UBE2E2: variants seen among roughly 807,000 people sequenced by gnomAD.
The protein encoded by UBE2E2 is ubiquitin-conjugating enzyme E2 E2.
In UBE2E2, 6 loss-of-function variants were observed where a neutral mutation model predicts 24.7. That is an observed-to-expected ratio of 0.24 (90% CI 0.13 to 0.48). The LOEUF (loss-of-function observed/expected upper bound fraction) is 0.48. UBE2E2 is among the 20% of genes least tolerant of loss of function. UBE2E2 has a pLI of 0.99. For synonymous variants in UBE2E2, 104 were observed against 83.6 expected (o/e 1.24, Z -1.33); for missense variants, 169 against 245.0 (o/e 0.69, Z 2.07).
intron 3 of UBE2E2, among the ~76,000 whole-genome samples, chr3:23,242,881 T>A (rs1297698260): frequency 6.6e-6 from 1 of 150,824 alleles, no homozygotes. Flanking sequence ...AGGTCAGGAG[T>A]TCGAGACCTG....
intron 3 of UBE2E2, among the ~76,000 whole-genome samples, chr3:23,312,116 T>C (rs536159643): frequency 6.6e-6 from 1 of 152,254 alleles, no homozygotes; most frequent in African/African-American, 2.4e-5. Context: ...ACTCATAACA[T>C]GTGAGATGCC....
chr3:23,536,902 C>T (rs1484587659), intron 5 of UBE2E2, among the ~76,000 whole-genome samples: 1 of 152,108 alleles, frequency 6.6e-6, no homozygotes, highest in East Asian at 1.9e-4. Context: ...CATAAGTCCT[C>T]GTTTAATGTC....
chr3:23,584,693 A>G (rs1307829441), intron 5 of UBE2E2, among the ~76,000 whole-genome samples: 7 of 149,572 alleles, frequency 4.7e-5, no homozygotes, highest in Non-Finnish European at 1.0e-4. Context: ...AGCTGGGACC[A>G]CAGGTACATG....
intron 3 of UBE2E2, among the ~76,000 whole-genome samples, chr3:23,263,861 C>T (rs1031119404): frequency 1.3e-5 from 2 of 152,082 alleles, no homozygotes; most frequent in African/African-American, 4.8e-5. Context: ...TTTGGCGAAA[C>T]TGCATAGGTC....
chr3:23,344,581 T>C (rs1176548635), intron 3 of UBE2E2, among the ~76,000 whole-genome samples: 4 of 152,024 alleles, frequency 2.6e-5, no homozygotes, highest in African/African-American at 9.7e-5. Flanking sequence ...AATGAAGATA[T>C]TAAGAATTAA....
intron 3 of UBE2E2, among the ~76,000 whole-genome samples, chr3:23,310,249 C>A (rs1216349970): frequency 1.3e-5 from 2 of 149,796 alleles, no homozygotes; most frequent in Non-Finnish European, 1.5e-5. Flanking sequence ...CAATTAAGTA[C>A]CAAAATGCAA....
intron 3 of UBE2E2, among the ~76,000 whole-genome samples, chr3:23,384,250 C>T (rs1319200544): frequency 1.3e-5 from 2 of 152,134 alleles, no homozygotes; most frequent in Non-Finnish European, 2.9e-5. Flanking sequence ...ACAGCCTCGA[C>T]CTCCTGGGCT....
chr3:23,327,417 A>T (rs140148987), intron 3 of UBE2E2, among the ~76,000 whole-genome samples: 101 of 152,306 alleles, frequency 6.6e-4, no homozygotes, highest in Admixed American at 2.4e-3. Context: ...CATTTCTCTG[A>T]TGGTAATGGC....
intron 3 of UBE2E2, among the ~76,000 whole-genome samples, chr3:23,297,894 C>T (rs202160292): frequency 0.029 from 4,339 of 152,008 alleles, 105 homozygotes; most frequent in East Asian, 0.13. Flanking sequence ...GCCATTTTCA[C>T]GATATTGATT....
chr3:23,508,623 A>G (rs1010811039), intron 4 of UBE2E2, among the ~76,000 whole-genome samples: 5 of 152,164 alleles, frequency 3.3e-5, no homozygotes, highest in African/African-American at 4.8e-5. Context: ...AGCCACTCTG[A>G]TATCTACTGA....
At chr3:23,519,985 A>G (rs1049731701) in intron 4 of UBE2E2, among the ~76,000 whole-genome samples, 1 of 152,104 alleles carries the variant, frequency 6.6e-6, no homozygotes, top group Non-Finnish European at 1.5e-5. Context: ...TTCACTTTAC[A>G]TGCTTGATCA....
chr3:23,488,441 T>C (rs1336474465), intron 3 of UBE2E2, among the ~76,000 whole-genome samples: 2 of 152,172 alleles, frequency 1.3e-5, no homozygotes, highest in Non-Finnish European at 2.9e-5. Context: ...AACTCCCACT[T>C]ATGAGTGAGA....
chr3:23,318,098 G>A (rs1196064272), intron 3 of UBE2E2, among the ~76,000 whole-genome samples: 3 of 151,968 alleles, frequency 2.0e-5, no homozygotes, highest in Admixed American at 2.0e-4. Flanking sequence ...ATAATTCCAA[G>A]CTTCTCTAGT....
Position 23,583,406 on chromosome 3 carries a change from A to G in UBE2E2, c.509-6328A>G, listed in dbSNP as rs553081215. ...CTTTTTGCTTAGCATTGCTTTGGCT[A>G]TTCAGGCCCTTTTTTGGTTCCATAT... On this transcript the variant is annotated intron_variant, in intron 5 of 5. Transcript: ENST00000396703. This position sits in a 1 kb window ranked among gnomAD's most constrained non-coding sequence, Gnocchi z 4.1. Among the ~76,000 whole-genome samples, 7 of 152,260 alleles carry G rather than the reference A, an allele frequency of 4.6e-5. No individual in the cohort carries two copies. Among genetic ancestry groups the G allele is most frequent in the African/African-American group, 1.7e-4 (7 of 41,548 alleles).
chr3:23,568,694 C>T (rs1696144572), intron 5 of UBE2E2, among the ~76,000 whole-genome samples: 1 of 132,768 alleles, frequency 7.5e-6, no homozygotes, highest in African/African-American at 2.8e-5. Flanking sequence ...CATATATACA[C>T]ACATATATAT....
intron 5 of UBE2E2, among the ~76,000 whole-genome samples, chr3:23,550,760 A>C (rs986134723): frequency 3.9e-5 from 6 of 152,158 alleles, no homozygotes; most frequent in Non-Finnish European, 8.8e-5. Context: ...GATACTGTAC[A>C]AGGAGAAAGA....
chr3:23,247,836 T>C (rs1025334383), intron 3 of UBE2E2, among the ~76,000 whole-genome samples: 1 of 152,192 alleles, frequency 6.6e-6, no homozygotes. Flanking sequence ...CCCCCTTTTA[T>C]TAAAGAGACT....
intron 3 of UBE2E2, among the ~76,000 whole-genome samples, chr3:23,263,452 ATACT>A (rs1697956729): frequency 6.6e-6 from 1 of 152,202 alleles, no homozygotes; most frequent in African/African-American, 2.4e-5. Flanking sequence ...GACATAATTG[ATACT>A]TACCTATTCT....
intron 5 of UBE2E2, among the ~76,000 whole-genome samples, chr3:23,569,207 A>C (rs1478268674): frequency 1.3e-5 from 2 of 152,184 alleles, no homozygotes; most frequent in Non-Finnish European, 2.9e-5. Context: ...CATGCTTTGT[A>C]AAAGAAACCA....
Sources: allele counts gnomAD v4.1 joint callset (sites outside exome capture counted in the v4.1 genomes callset), GRCh38; gene constraint gnomAD v4.1.1; non-coding constraint Gnocchi (gnomAD v3.1); transcripts MANE v1.5; gene names NCBI Gene and HGNC (gene_info 2026-07-23, HGNC 2026-07-21).